The following SP3 variants were observed in gnomAD, a reference collection of about 807,000 sequenced individuals.
The protein encoded by SP3 is Sp3 transcription factor.
A neutral mutation model predicts 70.3 loss-of-function variants in SP3; 10 were observed. The observed-to-expected ratio is 0.14, with a 90% CI of 0.09 to 0.24. The LOEUF is 0.24. SP3 is among the 10% of genes least tolerant of loss of function. SP3 has a pLI of 1.00. For synonymous variants in SP3, 402 were observed against 333.5 expected, an observed-to-expected ratio of 1.21 and a Z score of -2.24; for missense variants, 825 against 914.6, an observed-to-expected ratio of 0.90 and a Z score of 1.26.
intron 4 of SP3, among the ~76,000 whole-genome samples, chr2:173,933,604 G>T (rs562453998): frequency 8.2e-6 from 1 of 121,618 alleles, no homozygotes; most frequent in East Asian, 2.5e-4. Flanking sequence ...GAAATATTAG[G>T]AAGACAGTAC....
intron 3 of SP3, among the ~76,000 whole-genome samples, chr2:173,961,156 G>A (rs929144389): frequency 1.3e-5 from 2 of 152,068 alleles, no homozygotes; most frequent in African/African-American, 2.4e-5. Context: ...AAGTACAAAG[G>A]AGCGTTGCTA....
intron 4 of SP3, among the ~76,000 whole-genome samples, chr2:173,949,863 G>T (rs527843984): frequency 3.6e-4 from 54 of 152,104 alleles, no homozygotes; most frequent in Non-Finnish European, 7.8e-4. Context: ...GCCCAGTCTT[G>T]AAAGATTAAC....
At chr2:173,960,827 T>A (rs891172945) in intron 3 of SP3, among the ~76,000 whole-genome samples, 2 of 147,846 alleles carry the variant, frequency 1.4e-5, no homozygotes, top group Non-Finnish European at 3.0e-5. Context: ...AAAAAAAAAA[T>A]TAGCCGGGCA....
rs575273866 is a variant in SP3 at position 173,901,018 on chromosome 2, G to A, written c.*8923C>T. Among the ~76,000 whole-genome samples, 4 of 152,296 alleles carry A rather than the reference G, an allele frequency of 2.6e-5. No homozygotes were observed. In the South Asian group the frequency reaches 8.3e-4, roughly 32 times the overall value. ...ACCATTTTGAAATACAGAGAAGGGT[G>A]GGCAGAGGAGACTTCCTTACCGGAT... On this transcript the variant is annotated 3_prime_UTR_variant, in exon 7 of 7. Coordinates refer to ENST00000310015, the MANE Select transcript of SP3 (RefSeq NM_003111.5).
At chr2:173,922,828 G>A (rs752058909) in intron 4 of SP3, among the ~76,000 whole-genome samples, 24 of 152,188 alleles carry the variant, frequency 1.6e-4, no homozygotes, top group Non-Finnish European at 3.2e-4. Flanking sequence ...ACTCCAGAGA[G>A]TGGAAGGAGA....
chr2:173,933,511 G>A (rs1302763473), intron 4 of SP3, among the ~76,000 whole-genome samples: 1 of 151,482 alleles, frequency 6.6e-6, no homozygotes, highest in Non-Finnish European at 1.5e-5. Context: ...CAATGTTAAT[G>A]GATCAATCAC....
Position 173,903,623 on chromosome 2 carries a change from G to A in SP3, c.*6318C>T, listed in dbSNP as rs1276556517. On this transcript the variant is annotated 3_prime_UTR_variant, in exon 7 of 7. Transcript: ENST00000310015. ...TAAAAGAAAGACCCAAACCTATTCTGAGTCCTAACACACAATGAAAATATA... is the reference window on the plus strand; with the variant it reads ...TAAAAGAAAGACCCAAACCTATTCTAAGTCCTAACACACAATGAAAATATA... Among the ~76,000 whole-genome samples the A allele has an allele frequency of 6.6e-6, 1 of 152,150 alleles. No homozygotes were observed. The highest frequency in any genetic ancestry group is 1.5e-5 in the Non-Finnish European group (1 of 68,020).
rs200906220 is a variant in SP3, at chr2:173,934,497, TC to T, written c.1640-15713del. Among the ~76,000 whole-genome samples, 1,132 of 152,214 alleles carry T rather than the reference TC, an allele frequency of 7.4e-3. 16 individuals carry two copies. The highest frequency in any genetic ancestry group is 0.026 in the African/African-American group (1,061 of 41,526). ...CAGGAAATAAATGACATAATGTTAATCAAAACTAAAGATATTTTCACCAATT... is the reference window on the plus strand; with the variant it reads ...CAGGAAATAAATGACATAATGTTAATAAAACTAAAGATATTTTCACCAATT... On this transcript the variant is annotated intron_variant, in intron 4 of 6. Coordinates refer to ENST00000310015, the MANE Select transcript of SP3 (RefSeq NM_003111.5).
At chr2:173,936,091 A>G (rs1690204012) in intron 4 of SP3, among the ~76,000 whole-genome samples, 1 of 152,112 alleles carries the variant, frequency 6.6e-6, no homozygotes, top group Non-Finnish European at 1.5e-5. Flanking sequence ...GCAGTGGCAC[A>G]ATGTCAGCTC....
In SP3 at chr2:173,905,130, C is replaced by T. The variant is rs1689278869; in HGVS notation, c.*4811G>A. Among the ~76,000 whole-genome samples, 1 of 152,210 alleles carries T rather than the reference C, an allele frequency of 6.6e-6. No homozygotes were observed. On this transcript the variant is annotated 3_prime_UTR_variant, in exon 7 of 7. Coordinates refer to ENST00000310015, the MANE Select transcript of SP3 (RefSeq NM_003111.5). ...CATCCACTATCACTTTAGGTTCCAA[C>T]TGTTCTTTTCACATTTTTGCATTAG...
intron 5 of SP3, 103 bp from the exon 6 acceptor site, chr2:173,913,369 T>C (rs1689541614): frequency 2.3e-6 from 2 of 871,758 alleles, no homozygotes; most frequent in South Asian, 4.2e-5. Flanking sequence ...ATAGAAGACA[T>C]TATCATTACA....
At chr2:173,954,801 C>A (rs1188865017) in intron 4 of SP3, 72 bp downstream of exon 4, 1 of 1,433,764 alleles carries the variant, frequency 7.0e-7, no homozygotes, top group Non-Finnish European at 9.5e-7. Flanking sequence ...CTGATAAATA[C>A]CTAAAGCAAA....
Position 173,955,561 on chromosome 2 carries a change from A to G in SP3, c.951T>C (p.Ser317=). 6.2e-7 allele frequency: 1 copy of G among 1,614,068 alleles called. No individual in the cohort carries two copies. ...CAGTATTAGTTTCATTAATATCAGG[A>G]GAAACCCGCTCACCAGTCCTTTCTG... ...DNSERTGERV[S]PDINETNTDT... Residue 317 remains serine, a synonymous_variant, in exon 4 of 7, where the codon TCT becomes TCC. Transcript: ENST00000310015.
At chr2:173,937,413 C>T (rs1317588275) in intron 4 of SP3, among the ~76,000 whole-genome samples, 1 of 152,090 alleles carries the variant, frequency 6.6e-6, no homozygotes, top group Admixed American at 6.5e-5. Context: ...TCAAGGCTTT[C>T]ACAACAGAAC....
chr2:173,943,823 C>T (rs1419997258), intron 4 of SP3, among the ~76,000 whole-genome samples: 1 of 152,228 alleles, frequency 6.6e-6, no homozygotes, highest in African/African-American at 2.4e-5. Flanking sequence ...AGAAATACAT[C>T]ATTAGGCGAT....
In SP3 at chr2:173,905,678, A is replaced by G. The variant is rs559080233; in HGVS notation, c.*4263T>C. Among the ~76,000 whole-genome samples, 65 of 137,044 alleles carry G rather than the reference A, an allele frequency of 4.7e-4. No homozygotes were observed. In the East Asian group the frequency reaches 6.1e-3, roughly 13 times the overall value. The allele number at this position is 137,044 out of a possible 152,430, so 89.9% of individuals were successfully genotyped here. A position where few individuals can be genotyped will look rare whatever the true frequency, so the allele number is the denominator to read the frequency against. ...AACATCAAATAAAAGCCAACATGGG[A>G]AAAAAAAAAACCTTGTATACCCTTT... On this transcript the variant is annotated 3_prime_UTR_variant, in exon 7 of 7. Transcript: ENST00000310015.
intron 4 of SP3, among the ~76,000 whole-genome samples, chr2:173,938,131 T>C (rs1456157751): frequency 1.3e-5 from 2 of 152,082 alleles, no homozygotes; most frequent in African/African-American, 2.4e-5. Flanking sequence ...AAGCTACAAA[T>C]TTAACACAAT....
chr2:173,914,982 G>T (rs929890897), intron 5 of SP3: 1 of 152,090 alleles, frequency 6.6e-6, no homozygotes, highest in Non-Finnish European at 1.5e-5. Context: ...GTTCACTCGT[G>T]TACTCATTAT....
rs969330157 is a variant in SP3 at position 173,908,341 on chromosome 2, T to A, written c.*1600A>T. The A allele has an allele frequency of 6.6e-6, 1 of 152,380 alleles. No individual in the cohort carries two copies. Among genetic ancestry groups the A allele is most frequent in the Admixed American group, 6.5e-5 (1 of 15,270 alleles). The allele number at this position is 152,380 out of a possible 1,614,324, so 9.4% of individuals were successfully genotyped here. ...ATTTTATTTAATAAGCTCATTCTTATTTACTCTAGGTAAAAAATTAGTAAA... is the reference window on the plus strand; with the variant it reads ...ATTTTATTTAATAAGCTCATTCTTAATTACTCTAGGTAAAAAATTAGTAAA... On this transcript the variant is annotated 3_prime_UTR_variant, in exon 7 of 7. Coordinates refer to ENST00000310015, the MANE Select transcript of SP3 (RefSeq NM_003111.5).
Sources: gnomAD v4.1 joint callset for allele counts (sites outside exome capture counted in the v4.1 genomes callset) on GRCh38, gnomAD v4.1.1 for gene constraint, MANE v1.5 for transcripts, NCBI Gene and HGNC (gene_info 2026-07-23, HGNC 2026-07-21) for gene names.